The following SSR2 variants were observed in gnomAD, a reference collection of about 807,000 sequenced individuals.
SSR2 encodes translocon-associated protein subunit beta.
SSR2 carries 16 observed loss-of-function variants against 22.6 expected under a neutral mutation model. The ratio of observed to expected loss-of-function variants is 0.71; its 90% CI spans 0.48 to 1.08. The LOEUF (loss-of-function observed/expected upper bound fraction) is 1.08. Among genes scored for constraint, SSR2 ranks in the 50% least tolerant of loss-of-function variants. The pLI, the probability that SSR2 is intolerant of heterozygous loss-of-function variation, is 0.00. For missense variants in SSR2, 171 were observed against 221.6 expected, an observed-to-expected ratio of 0.77 and a Z score of 1.45; for synonymous variants, 83 against 91.2, an observed-to-expected ratio of 0.91 and a Z score of 0.51.
chr1:156,020,463 A>T, intron 1 of SSR2: 1 of 345,180 alleles, frequency 2.9e-6, no homozygotes. Context: ...ATGTGGCCAG[A>T]GCAGGGCTTC....
chr1:156,018,125 C>T (rs903700615), intron 3 of SSR2, 145 bp downstream of exon 3: 6 of 610,328 alleles, frequency 9.8e-6, no homozygotes, highest in Admixed American at 2.7e-5. Flanking sequence ...ACACAATTTA[C>T]ACCAACCTCT....
At position 156,020,651 on chromosome 1, in the gene SSR2, C is replaced by T. The variant is rs1045724759; in HGVS notation, c.-1+237G>A. 2.0e-5 allele frequency: 7 copies of T among 346,480 alleles called. No homozygotes were observed. In the Admixed American group the frequency reaches 2.7e-4, roughly 13 times the overall value. 21.5% of individuals were successfully genotyped at this position (346,480 alleles called of 1,614,324 possible). A position where few individuals can be genotyped will look rare whatever the true frequency, so the allele number is the denominator to read the frequency against. On this transcript the variant is annotated intron_variant, in intron 1 of 5. Transcript: ENST00000295702. ...CCCTGTACCCCACTCTCCAGTCCAG[C>T]CCCTGAGATCCCATTCGTCCTCGCC...
At chr1:156,012,374 T>A (rs1223762169) in intron 4 of SSR2, 5 of 349,144 alleles carry the variant, frequency 1.4e-5, no homozygotes, top group African/African-American at 8.6e-5. Context: ...TAATGAAGTA[T>A]AAAGCCCTAC....
At chr1:156,017,627 C>A (rs1320659495) in intron 3 of SSR2, among the ~76,000 whole-genome samples, 1 of 151,624 alleles carries the variant, frequency 6.6e-6, no homozygotes, top group Non-Finnish European at 1.5e-5. Context: ...GGATTACAGG[C>A]ATGAGCCACT....
chr1:156,011,524 T>C (rs1682978550), intron 5 of SSR2: 1 of 224,852 alleles, frequency 4.4e-6, no homozygotes, highest in African/African-American at 2.2e-5. Context: ...ATCAGATTTT[T>C]TTTTTTTAAA....
At chr1:156,018,891 C>T (rs1572259042) in intron 2 of SSR2, among the ~76,000 whole-genome samples, 1 of 145,420 alleles carries the variant, frequency 6.9e-6, no homozygotes, top group African/African-American at 2.6e-5. Context: ...AAAAATTAGC[C>T]AGGCATGGTG....
intron 5 of SSR2, among the ~76,000 whole-genome samples, chr1:156,010,034 A>C (rs1682957844): frequency 6.6e-6 from 1 of 151,958 alleles, no homozygotes; most frequent in Non-Finnish European, 1.5e-5. Context: ...GGCCTCCCAA[A>C]GTGCTGGGAT....
At chr1:156,017,755 T>TTG in intron 3 of SSR2, among the ~76,000 whole-genome samples, 1 of 126,366 alleles carries the variant, frequency 7.9e-6, no homozygotes, top group African/African-American at 3.0e-5. Context: ...TTTTTTTTTT[T>TTG]TTTTTTTTTT....
At chr1:156,019,300 A>G (rs752882745) in intron 2 of SSR2, 7 of 444,140 alleles carry the variant, frequency 1.6e-5, no homozygotes, top group Non-Finnish European at 1.8e-5. Flanking sequence ...AGAGGAACAC[A>G]GTGAATACAG....
At chr1:156,018,571 G>A (rs1353449141) in intron 2 of SSR2, among the ~76,000 whole-genome samples, 1 of 150,720 alleles carries the variant, frequency 6.6e-6, no homozygotes, top group African/African-American at 2.4e-5. Flanking sequence ...AGCTGGGCGC[G>A]GTGGTGAGCG....
At chr1:156,013,003 T>C (rs1361067828) in intron 4 of SSR2, 1 of 51,608 alleles carries the variant, frequency 1.9e-5, no homozygotes, top group African/African-American at 8.0e-5. Context: ...ATAATTAAAT[T>C]GGGAGGTGGG....
rs1452078676 is a variant in SSR2, at chr1:156,018,347, T to C, written c.177A>G (p.Leu59=). ...VGSSAALDVE[L]SDDSFPPEDF... ...CTTCTGGAGGGAAGGAATCATCAGA[T>C]AGTTCCACGTCTAATGCAGCACTAG... Residue 59 remains leucine, a synonymous_variant, in exon 3 of 6, where the codon CTA becomes CTG. Coordinates refer to ENST00000295702, the MANE Select transcript of SSR2 (RefSeq NM_003145.4). 8.1e-6 allele frequency: 13 copies of C among 1,613,354 alleles called. No individual in the cohort carries two copies. The Admixed American group carries it at 1.8e-4, about 23-fold the overall frequency.
At chr1:156,012,545 CAA>C (rs1426004162) in intron 4 of SSR2, 6 of 456,070 alleles carry the variant, frequency 1.3e-5, no homozygotes, top group Non-Finnish European at 2.6e-5. Context: ...CAGGTAGAAC[CAA>C]AGAGTCCTGA....
intron 2 of SSR2, among the ~76,000 whole-genome samples, chr1:156,019,810 C>T (rs1339501554): frequency 7.2e-5 from 11 of 152,258 alleles, no homozygotes; most frequent in African/African-American, 2.6e-4. Flanking sequence ...CAACCCGAAA[C>T]GTGAAAGATG....
At position 156,009,500 on chromosome 1, in the gene SSR2, G is replaced by C. The variant is rs528400409; in HGVS notation, c.*40C>G. The stretch of plus-strand genomic sequence containing the variant: ...AGCACCTGGATTTCTTGGGAGAGGA[G>C]CCTGGATTTCTTGGGAGAGGAGGGC... On this transcript the variant is annotated 3_prime_UTR_variant, in exon 6 of 6. Transcript: ENST00000295702. The C allele has an allele frequency of 6.8e-7, 1 of 1,475,726 alleles. No homozygotes were observed. Among genetic ancestry groups the C allele is most frequent in the Non-Finnish European group, 9.5e-7 (1 of 1,055,766 alleles). 91.4% of individuals were successfully genotyped at this position (1,475,726 alleles called of 1,614,324 possible). A position where few individuals can be genotyped will look rare whatever the true frequency, so the allele number is the denominator to read the frequency against.
At chr1:156,014,914 G>A (rs1195941864) in intron 4 of SSR2, 47 bp downstream of exon 4, 1 of 1,475,774 alleles carries the variant, frequency 6.8e-7, no homozygotes, top group African/African-American at 1.4e-5. Flanking sequence ...AGATTTTAAG[G>A]GAAGGCAGAT....
intron 3 of SSR2, among the ~76,000 whole-genome samples, chr1:156,016,581 T>A (rs910624216): frequency 1.8e-5 from 2 of 111,972 alleles, no homozygotes; most frequent in Non-Finnish European, 4.4e-5. Context: ...AGGAAATTAT[T>A]GAAAATACAA....
At chr1:156,019,510 G>A (rs1337894469) in intron 2 of SSR2, among the ~76,000 whole-genome samples, 3 of 151,712 alleles carry the variant, frequency 2.0e-5, no homozygotes, top group Middle Eastern at 3.2e-3. Context: ...TCAGCCTCCC[G>A]AGTAGCTGGG....
In SSR2 at chr1:156,018,269, C is replaced by T. The variant is rs751799978; in HGVS notation, c.254+1G>A. ...TTCATCACCAAGTGCCAAGAGGATA[C>T]GGGGCAATCCGGTCCCATTTGACAT... On this transcript the variant is annotated splice_donor_variant, in intron 3 of 5. Coordinates refer to ENST00000295702, the MANE Select transcript of SSR2 (RefSeq NM_003145.4). LOFTEE classifies it high-confidence loss of function. The T allele has an allele frequency of 7.4e-6, 12 of 1,612,484 alleles. No homozygotes were observed. The highest frequency in any genetic ancestry group is 1.6e-4 in the Middle Eastern group (1 of 6,072).
Sources: gnomAD v4.1 joint callset for allele counts (sites outside exome capture counted in the v4.1 genomes callset) on GRCh38, gnomAD v4.1.1 for gene constraint, MANE v1.5 for transcripts, NCBI Gene and HGNC (gene_info 2026-07-23, HGNC 2026-07-21) for gene names.